The following TINAG variants were observed in gnomAD, a reference collection of about 807,000 sequenced individuals.
TINAG encodes the protein tubulointerstitial nephritis antigen.
Under a neutral mutation model 72.7 loss-of-function variants are expected in TINAG, and 83 were observed. That is an observed-to-expected ratio of 1.14 (90% CI 0.96 to 1.37). The LOEUF is 1.37. TINAG is among the 40% of genes most tolerant of loss of function. The pLI is 0.00. For synonymous variants in TINAG, 234 were observed against 189.9 expected (o/e 1.23, Z -1.91); for missense variants, 685 against 576.6 (o/e 1.19, Z -1.93).
At chr6:54,313,665 G>A (rs1309569687) in intron 1 of TINAG, among the ~76,000 whole-genome samples, 1 of 152,124 alleles carries the variant, frequency 6.6e-6, no homozygotes. Flanking sequence ...GCCATGAAGT[G>A]GGAGGCCTAG....
At chr6:54,321,495 G>A (rs1207190984) in intron 3 of TINAG, 109 bp downstream of exon 3, 2 of 720,890 alleles carry the variant, frequency 2.8e-6, no homozygotes, top group African/African-American at 1.8e-5. Context: ...GAAAGAGTGG[G>A]AGAGAAATAG....
intron 9 of TINAG, among the ~76,000 whole-genome samples, chr6:54,368,889 A>T (rs1354293444): frequency 6.6e-6 from 1 of 151,770 alleles, no homozygotes; most frequent in Non-Finnish European, 1.5e-5. Flanking sequence ...AGAGATTCTT[A>T]CATTGAAATT....
chr6:54,328,319 A>G (rs958320496), intron 4 of TINAG, among the ~76,000 whole-genome samples: 1 of 152,080 alleles, frequency 6.6e-6, no homozygotes, highest in Non-Finnish European at 1.5e-5. Flanking sequence ...GGTGATACCC[A>G]GGCAAACAAG....
intron 3 of TINAG, among the ~76,000 whole-genome samples, chr6:54,323,673 G>T (rs558336021): frequency 2.0e-4 from 30 of 152,244 alleles, no homozygotes; most frequent in African/African-American, 4.6e-4. Flanking sequence ...AATCATTTTG[G>T]CCTGGCGAAG....
chr6:54,345,813 A>G (rs1785107479), intron 5 of TINAG, among the ~76,000 whole-genome samples: 1 of 152,130 alleles, frequency 6.6e-6, no homozygotes, highest in Non-Finnish European at 1.5e-5. Context: ...GCATTGTAAT[A>G]TGCTGTAGTT....
At chr6:54,348,765 C>G (rs1431449200) in intron 6 of TINAG, among the ~76,000 whole-genome samples, 1 of 152,126 alleles carries the variant, frequency 6.6e-6, no homozygotes, top group Non-Finnish European at 1.5e-5. Flanking sequence ...TGACACCATT[C>G]AGTCCACAGC....
At position 54,308,874 on chromosome 6, in the gene TINAG, GCCT is replaced by G; in HGVS notation, c.329_331del (p.Pro110del). 6.2e-7 allele frequency: 1 copy of G among 1,612,668 alleles called. No homozygotes were observed. The highest frequency in any genetic ancestry group is 8.5e-7 in the Non-Finnish European group (1 of 1,179,458). On this transcript the variant is annotated inframe_deletion, in exon 1 of 11. Coordinates refer to ENST00000259782, the MANE Select transcript of TINAG (RefSeq NM_014464.4). ...CCTTTTGCCGTGAAGAGAAAGAATG[GCCT>G]CCTCACACACAGCCTTGGTATCCAG... is the stretch of plus-strand genomic sequence containing the variant.
chr6:54,307,966 G>A, upstream of TINAG: 1 of 1,405,862 alleles, frequency 7.1e-7, no homozygotes, highest in Non-Finnish European at 9.8e-7. Flanking sequence ...AAACGCTTCT[G>A]GTAGGTAAAT....
intron 10 of TINAG, among the ~76,000 whole-genome samples, chr6:54,384,115 A>T (rs1344399895): frequency 6.6e-6 from 1 of 152,178 alleles, no homozygotes; most frequent in Non-Finnish European, 1.5e-5. Flanking sequence ...AGAAAACCAA[A>T]CACTACATGT....
At chr6:54,385,217 CAA>C (rs1014274985) in intron 10 of TINAG, among the ~76,000 whole-genome samples, 2 of 150,654 alleles carry the variant, frequency 1.3e-5, no homozygotes, top group African/African-American at 4.9e-5. Flanking sequence ...ATCAAAAAAG[CAA>C]AGAGTTGATG....
chr6:54,351,106 T>C (rs1386608753), intron 7 of TINAG, among the ~76,000 whole-genome samples: 1 of 152,080 alleles, frequency 6.6e-6, no homozygotes. Context: ...ACTTACATTG[T>C]TTCTTTATAA....
chr6:54,376,138 C>T (rs561875034), intron 9 of TINAG, among the ~76,000 whole-genome samples: 2 of 152,252 alleles, frequency 1.3e-5, no homozygotes, highest in African/African-American at 4.8e-5. Flanking sequence ...CTACTCAACT[C>T]TGAACAAAGT....
At chr6:54,326,383 T>A (rs916887076) in intron 3 of TINAG, among the ~76,000 whole-genome samples, 3 of 152,092 alleles carry the variant, frequency 2.0e-5, no homozygotes, top group Admixed American at 6.5e-5. Context: ...TCATGCATAC[T>A]TTTTTACCTT....
At chr6:54,379,246 T>C (rs1432080943) in intron 9 of TINAG, among the ~76,000 whole-genome samples, 3 of 152,160 alleles carry the variant, frequency 2.0e-5, no homozygotes, top group Non-Finnish European at 4.4e-5. Flanking sequence ...TATATGTCTG[T>C]AAAAGAAAAG....
intron 4 of TINAG, among the ~76,000 whole-genome samples, chr6:54,336,051 G>A (rs542960682): frequency 1.6e-4 from 24 of 152,064 alleles, no homozygotes; most frequent in African/African-American, 4.8e-4. Context: ...TCCCTGGCTG[G>A]TTTCCTGGCT....
intron 1 of TINAG, among the ~76,000 whole-genome samples, chr6:54,310,076 C>CGTGTGTGTGT (rs138971244): frequency 0.13 from 16,860 of 127,536 alleles, 1,436 homozygotes; most frequent in Admixed American, 0.15. Flanking sequence ...CTTTTTTTTC[C>CGTGTGTGTGT]GTGTGTGTGT....
At chr6:54,328,366 G>A (rs1179366163) in intron 4 of TINAG, among the ~76,000 whole-genome samples, 1 of 152,058 alleles carries the variant, frequency 6.6e-6, no homozygotes, top group Non-Finnish European at 1.5e-5. Context: ...CAGCAGACCT[G>A]CAGGAGAGGG....
At chr6:54,354,418 C>T in intron 8 of TINAG, 95 bp from the exon 9 acceptor site, 1 of 1,149,996 alleles carries the variant, frequency 8.7e-7, no homozygotes, top group Non-Finnish European at 1.2e-6. Context: ...CATCTCCTTG[C>T]AATTTACCCA....
chr6:54,342,096 C>T lies in TINAG; in HGVS notation c.625-1130C>T, dbSNP rs189866797. On this transcript the variant is annotated intron_variant, in intron 4 of 10. Transcript: ENST00000259782. ...GTGTGTGTGTGTGAGAACACATATA[C>T]ACAACTGATGAAAAACTAATAAACA... Among the ~76,000 whole-genome samples the T allele has an allele frequency of 3.9e-3, 589 of 151,540 alleles. 2 individuals are homozygous for T. The highest frequency in any genetic ancestry group is 0.013 in the African/African-American group (544 of 41,202).
Sources: gnomAD v4.1 joint callset for allele counts (sites outside exome capture counted in the v4.1 genomes callset) on GRCh38, gnomAD v4.1.1 for gene constraint, MANE v1.5 for transcripts, NCBI Gene and HGNC (gene_info 2026-07-23, HGNC 2026-07-21) for gene names.